The following USP24 variants were observed in gnomAD, a reference collection of about 807,000 sequenced individuals.
USP24 encodes ubiquitin carboxyl-terminal hydrolase 24.
Under a neutral mutation model 361.6 loss-of-function variants are expected in USP24, and 97 were observed. That is an observed-to-expected ratio of 0.27 (90% CI 0.23 to 0.32). The LOEUF (loss-of-function observed/expected upper bound fraction) is 0.32, where lower values mean the gene tolerates loss of function less well. USP24 is among the 10% of genes least tolerant of loss of function. The pLI, the probability that USP24 is intolerant of heterozygous loss-of-function variation, is 1.00. For missense variants in USP24, 2,353 were observed against 3,165.6 expected (o/e 0.74, Z 6.16); for synonymous variants, 1,098 against 1,124.6 (o/e 0.98, Z 0.47).
chr1:55,086,109 T>A (rs1160181915), intron 55 of USP24, 71 bp from the exon 56 acceptor site: 1 of 1,423,350 alleles, frequency 7.0e-7, no homozygotes, highest in African/African-American at 1.4e-5. Flanking sequence ...CCATGATAGG[T>A]CCCATCTAAT....
intron 5 of USP24, among the ~76,000 whole-genome samples, chr1:55,169,751 A>AC (rs199811422): frequency 0.036 from 5,427 of 152,224 alleles, 303 homozygotes; most frequent in African/African-American, 0.12. Flanking sequence ...AATGGGAAAT[A>AC]AAGTAAAGTT....
chr1:55,075,629 A>G (rs562567238), intron 62 of USP24, 106 bp from the exon 63 acceptor site: 1 of 451,020 alleles, frequency 2.2e-6, no homozygotes, highest in African/African-American at 5.6e-5. Flanking sequence ...GTGTTTGACA[A>G]CAACAACAAC....
chr1:55,151,820 GAGTATCAAAA>G (rs1647201297), intron 16 of USP24: 1 of 866,492 alleles, frequency 1.2e-6, no homozygotes, highest in Admixed American at 6.2e-5. Flanking sequence ...GGAATTTTAA[GAGTATCAAAA>G]GCAGAGGGAA....
At chr1:55,210,677 G>GAT (rs1166347978) in intron 1 of USP24, among the ~76,000 whole-genome samples, 1 of 152,120 alleles carries the variant, frequency 6.6e-6, no homozygotes, top group African/African-American at 2.4e-5. Flanking sequence ...ATGTGACTTA[G>GAT]ATATATTAAC....
At chr1:55,190,522 G>C (rs1347784038) in intron 1 of USP24, among the ~76,000 whole-genome samples, 1 of 152,118 alleles carries the variant, frequency 6.6e-6, no homozygotes, top group African/African-American at 2.4e-5. Context: ...TCATAGCTCC[G>C]AACAGACATA....
At chr1:55,131,368 C>T (rs942133531) in intron 31 of USP24, among the ~76,000 whole-genome samples, 7 of 152,128 alleles carry the variant, frequency 4.6e-5, no homozygotes, top group African/African-American at 1.4e-4. Context: ...GTTGTTATAA[C>T]TTAATACTAC....
At chr1:55,091,797 G>A (rs1645383041) in intron 54 of USP24, among the ~76,000 whole-genome samples, 2 of 152,122 alleles carry the variant, frequency 1.3e-5, no homozygotes, top group African/African-American at 2.4e-5. Flanking sequence ...ATTCGAAGAT[G>A]TACAGAATTT....
At position 55,138,695 on chromosome 1, in the gene USP24, A is replaced by T. The variant is rs760577136; in HGVS notation, c.2841T>A (p.Thr947=). The change falls in exon 26 of 68, where the codon ACT becomes ACA. Residue 947 remains threonine (T), a synonymous_variant. Coordinates refer to ENST00000294383, the MANE Select transcript of USP24 (RefSeq NM_015306.3). ...TIEDFYSVPR[T]ILPHGASFHG... ...GAAATGAGGCACCATGAGGTAGAAT[A>T]GTTCGTGGAACAGAGTAAAAATCCT... The T allele has an allele frequency of 6.2e-7, 1 of 1,612,788 alleles. No individual in the cohort carries two copies. The highest frequency in any genetic ancestry group is 1.7e-5 in the Admixed American group (1 of 59,860).
chr1:55,077,973 A>C (rs998922909), intron 61 of USP24, among the ~76,000 whole-genome samples: 1 of 152,218 alleles, frequency 6.6e-6, no homozygotes, highest in African/African-American at 2.4e-5. Flanking sequence ...GAGGAACTTA[A>C]TCTCCTCTGA....
chr1:55,183,586 T>C (rs536038101), intron 1 of USP24, among the ~76,000 whole-genome samples: 16 of 152,158 alleles, frequency 1.1e-4, no homozygotes, highest in African/African-American at 3.9e-4. Context: ...ACAGGAGTAA[T>C]GGACGATTAG....
At chr1:55,150,297 T>G (rs958400559) in intron 16 of USP24, among the ~76,000 whole-genome samples, 2 of 152,234 alleles carry the variant, frequency 1.3e-5, no homozygotes, top group Non-Finnish European at 2.9e-5. Flanking sequence ...CAACCTCTCA[T>G]TAAGAATCTA....
intron 37 of USP24, among the ~76,000 whole-genome samples, chr1:55,120,990 G>T (rs189806661): frequency 8.5e-5 from 13 of 152,148 alleles, no homozygotes; most frequent in African/African-American, 2.9e-4. Flanking sequence ...TACTCAATAG[G>T]TTTATAACTT....
chr1:55,183,199 A>G (rs1375155280), intron 1 of USP24, among the ~76,000 whole-genome samples: 1 of 152,236 alleles, frequency 6.6e-6, no homozygotes, highest in Non-Finnish European at 1.5e-5. Context: ...GTACTGGATC[A>G]ATGTTAATTT....
chr1:55,207,277 AG>A (rs1206278395), intron 1 of USP24, among the ~76,000 whole-genome samples: 8 of 142,408 alleles, frequency 5.6e-5, no homozygotes, highest in African/African-American at 2.1e-4. Context: ...AGAAATGGAA[AG>A]GGGAAAAAAA....
At chr1:55,135,944 A>C (rs1364308233) in intron 28 of USP24, among the ~76,000 whole-genome samples, 1 of 152,232 alleles carries the variant, frequency 6.6e-6, no homozygotes, top group Non-Finnish European at 1.5e-5. Flanking sequence ...ATATTGATTG[A>C]GTACCTATCA....
At chr1:55,096,365 GT>G (rs1211088015) in intron 50 of USP24, 132 bp downstream of exon 50, 1 of 755,960 alleles carries the variant, frequency 1.3e-6, no homozygotes, top group East Asian at 3.5e-5. Flanking sequence ...CTTGCTCATG[GT>G]TCTATTGCTA....
intron 38 of USP24, among the ~76,000 whole-genome samples, chr1:55,117,742 C>CAAAAAAAA (rs58149121): frequency 1.0e-4 from 7 of 66,812 alleles, no homozygotes; most frequent in African/African-American, 3.1e-4. Flanking sequence ...GACTCCGTCT[C>CAAAAAAAA]AAAAAAAAAA....
chr1:55,191,491 TTTC>T (rs1346261671), intron 1 of USP24, among the ~76,000 whole-genome samples: 1 of 47,434 alleles, frequency 2.1e-5, no homozygotes, highest in Admixed American at 4.2e-4. Context: ...AATATGGCAC[TTTC>T]TTTTTTTTTT....
chr1:55,189,543 G>A (rs902193726), intron 1 of USP24, among the ~76,000 whole-genome samples: 5 of 152,200 alleles, frequency 3.3e-5, no homozygotes, highest in Admixed American at 2.6e-4. Flanking sequence ...GACACAGAAA[G>A]TAGACTGGTG....
Sources: allele counts gnomAD v4.1 joint callset (sites outside exome capture counted in the v4.1 genomes callset), GRCh38; gene constraint gnomAD v4.1.1; transcripts MANE v1.5; gene names NCBI Gene and HGNC (gene_info 2026-07-23, HGNC 2026-07-21).